The following CACNA1G variants were observed in gnomAD, a reference collection of about 807,000 sequenced individuals.
CACNA1G encodes the protein calcium voltage-gated channel subunit alpha1 G, also known as voltage-dependent T-type calcium channel subunit alpha-1G.
Under a neutral mutation model 219.4 loss-of-function variants are expected in CACNA1G, and 67 were observed. The ratio of observed to expected loss-of-function variants is 0.31; its 90% confidence interval spans 0.25 to 0.37. The LOEUF (loss-of-function observed/expected upper bound fraction) is 0.37. Ranked by LOEUF, CACNA1G falls within the 10% of genes least tolerant of loss-of-function variation. The pLI, the probability that CACNA1G is intolerant of heterozygous loss-of-function variation, is 1.00. For synonymous variants in CACNA1G, 1,296 were observed against 1,345.3 expected (o/e 0.96, Z 0.80); for missense variants, 2,380 against 3,231.4 (o/e 0.74, Z 6.39).
chr17:50,614,435 C>A (rs2049977113), intron 26 of CACNA1G, among the ~76,000 whole-genome samples: 1 of 152,196 alleles, frequency 6.6e-6, no homozygotes, highest in South Asian at 2.1e-4. Context: ...AACTTCCTCC[C>A]AAGAACATGT....
chr17:50,587,746 C>T (rs1203378060), intron 9 of CACNA1G, among the ~76,000 whole-genome samples: 1 of 152,202 alleles, frequency 6.6e-6, no homozygotes, highest in Non-Finnish European at 1.5e-5. Flanking sequence ...CTGGGCAAAA[C>T]AGGGGTTCCA....
Position 50,588,329 on chromosome 17 carries a change from ACCC to A in CACNA1G, c.2302-2140_2302-2138del, listed in dbSNP as rs2043415086. ...TCAGAGGGATGTGGGATTGGGCCCC[ACCC>A]CAGCTCTTCCTGCCCTGTGACTTTG... On this transcript the variant is annotated intron_variant, in intron 9 of 37. Transcript: ENST00000359106. Among the ~76,000 whole-genome samples, 3 of 152,204 alleles carry A rather than the reference ACCC, an allele frequency of 2.0e-5. No individual in the cohort carries two copies. The South Asian group carries it at 6.2e-4, about 32-fold the overall frequency.
At chr17:50,593,827 C>T (rs953849127) in intron 13 of CACNA1G, among the ~76,000 whole-genome samples, 7 of 152,284 alleles carry the variant, frequency 4.6e-5, no homozygotes, top group African/African-American at 7.2e-5. Context: ...ACTGTGGCCC[C>T]GGAGTGCCCA....
intron 19 of CACNA1G, among the ~76,000 whole-genome samples, chr17:50,601,840 G>A (rs1038230745): frequency 1.3e-5 from 2 of 152,124 alleles, no homozygotes; most frequent in East Asian, 1.9e-4. Context: ...TTCCGCTCAC[G>A]GCATCCTGCA....
chr17:50,626,715 C>T lies in CACNA1G; in HGVS notation c.7098C>T (p.Ser2366=), dbSNP rs117525647. The stretch of plus-strand genomic sequence containing the variant: ...CAAAGAAAGATGTGCTGAGTCTCTC[C>T]GGTTTATCCTCTGACCCAGCAGACC... The part of the protein sequence containing the change: ...PSPKKDVLSL[S]GLSSDPADLD... Residue 2366 remains serine, a synonymous_variant, in exon 38 of 38, where the codon TCC becomes TCT. Transcript: ENST00000359106. The surrounding 1 kb of genome is among the most constrained non-coding windows in gnomAD (Gnocchi z 4.3). 9.5e-5 allele frequency: 153 copies of T among 1,613,274 alleles called. 1 individual carries two copies. The East Asian group carries it at 2.3e-3, about 24-fold the overall frequency.
intron 26 of CACNA1G, 136 bp downstream of exon 26, chr17:50,610,071 C>T: frequency 1.3e-6 from 1 of 784,378 alleles, no homozygotes. Context: ...GGCTGAAGCG[C>T]TGGGCTCTGC....
intron 16 of CACNA1G, among the ~76,000 whole-genome samples, chr17:50,597,275 C>T (rs1434215985): frequency 6.6e-6 from 1 of 152,166 alleles, no homozygotes; most frequent in Non-Finnish European, 1.5e-5. Context: ...TAGGTACTGA[C>T]TCTGTGCCAG....
Position 50,578,370 on chromosome 17 carries a change from A to G in CACNA1G, c.2107A>G (p.Ser703Gly). The G allele has an allele frequency of 6.2e-7, 1 of 1,612,608 alleles. No homozygotes were observed. Among genetic ancestry groups the G allele is most frequent in the Non-Finnish European group, 8.5e-7 (1 of 1,179,596 alleles). ...VYEFTQDAQH[S>G]DLRDPHSRRQ... ...TGAGTTCACACAGGATGCCCAGCAC[A>G]GCGACCTCCGGGACCCCCACAGCCG... Residue 703 changes from serine to glycine, a missense_variant, in exon 9 of 38, where the codon AGC (serine) becomes GGC (glycine). By Grantham distance (56) the Ser-to-Gly change is moderately conservative (BLOSUM62 0). This residue lies in a region of CACNA1G where 434 missense variants were observed against 417.3 expected (regional missense o/e 1.04). Transcript: ENST00000359106. The surrounding 1 kb of genome is among the most constrained non-coding windows in gnomAD (Gnocchi z 4.5).
In CACNA1G at chr17:50,596,865, G is replaced by T; in HGVS notation, c.3200G>T (p.Arg1067Leu). The T allele has an allele frequency of 1.3e-6, 2 of 1,594,412 alleles. No individual in the cohort carries two copies. Among genetic ancestry groups the T allele is most frequent in the Non-Finnish European group, 1.7e-6 (2 of 1,170,918 alleles). Residue 1067 changes from arginine to leucine, a missense_variant, in exon 16 of 38, where the codon CGC becomes CTC. Around this residue, in one of 17 missense-constraint regions of CACNA1G, gnomAD observed 418 missense variants for 434.3 expected, o/e 0.96. Transcript: ENST00000359106. This position sits in a 1 kb window ranked among gnomAD's most constrained non-coding sequence, Gnocchi z 4.8. ...GLGEALGPAS[R>L]RTSSSGSAEP... Reference sequence around the variant, plus strand: ...GGCGAGGCGCTGGGCCCTGCGTCGCGCCGCACCAGCAGCAGCGGGTCGGCA... The same window carrying T: ...GGCGAGGCGCTGGGCCCTGCGTCGCTCCGCACCAGCAGCAGCGGGTCGGCA...
chr17:50,624,998 G>A (rs2053345546), intron 37 of CACNA1G, among the ~76,000 whole-genome samples: 1 of 141,750 alleles, frequency 7.1e-6, no homozygotes, highest in African/African-American at 2.7e-5. Flanking sequence ...TGTTGCCCAG[G>A]CTGGAGTGCA....
intron 10 of CACNA1G, 131 bp from the exon 11 acceptor site, chr17:50,591,304 G>C: frequency 1.2e-6 from 1 of 861,568 alleles, no homozygotes; most frequent in Admixed American, 3.1e-5. Context: ...AGGTCTGGGG[G>C]CCCACCTGTG....
At chr17:50,624,675 C>T in intron 37 of CACNA1G, 146 bp downstream of exon 37, 1 of 834,446 alleles carries the variant, frequency 1.2e-6, no homozygotes, top group South Asian at 1.8e-5. Flanking sequence ...ACCAGGGACA[C>T]AGTACTGGGC....
intron 36 of CACNA1G, 48 bp from the exon 37 acceptor site, chr17:50,624,312 A>G: frequency 6.8e-7 from 1 of 1,459,872 alleles, no homozygotes; most frequent in Middle Eastern, 1.9e-4. Flanking sequence ...TGAACCCTCC[A>G]GCTCCATTCT....
At chr17:50,612,979 T>C (rs1256898669) in intron 26 of CACNA1G, among the ~76,000 whole-genome samples, 2 of 152,184 alleles carry the variant, frequency 1.3e-5, no homozygotes, top group East Asian at 3.9e-4. Context: ...CACACCTGGG[T>C]GCTTGCCTGC....
At chr17:50,613,206 T>G (rs2049632553) in intron 26 of CACNA1G, among the ~76,000 whole-genome samples, 1 of 152,200 alleles carries the variant, frequency 6.6e-6, no homozygotes, top group Non-Finnish European at 1.5e-5. Context: ...TTGCCTGGCT[T>G]CATTCTCTCC....
At chr17:50,572,956 C>T (rs1439085960) in intron 6 of CACNA1G, 65 bp from the exon 7 acceptor site, 12 of 1,564,208 alleles carry the variant, frequency 7.7e-6, no homozygotes, top group Admixed American at 1.8e-5. Context: ...GGGTCAAGGC[C>T]TCTGGAGGAG....
At position 50,561,280 on chromosome 17, in the gene CACNA1G, G is replaced by C; in HGVS notation, c.-180G>C. The C allele has an allele frequency of 6.2e-6, 4 of 640,668 alleles. No homozygotes were observed. The highest frequency in any genetic ancestry group is 1.0e-5 in the Non-Finnish European group (4 of 395,326). 39.7% of individuals were successfully genotyped at this position (640,668 alleles called of 1,614,324 possible). On this transcript the variant is annotated 5_prime_UTR_variant, in exon 1 of 38. Coordinates refer to ENST00000359106, the MANE Select transcript of CACNA1G (RefSeq NM_018896.5). ...TTCCCTGCGCCCCGGCGCCCCGCGG[G>C]CAGCATGCCCCTGCGGGCAGGGGGA...
chr17:50,566,946 C>T (rs1450135160), intron 1 of CACNA1G, among the ~76,000 whole-genome samples: 1 of 152,370 alleles, frequency 6.6e-6, no homozygotes, highest in East Asian at 1.9e-4. Context: ...TCTACTGCCT[C>T]CACACAGAGA....
At chr17:50,590,661 TG>T (rs1408226679) in intron 10 of CACNA1G, 39 bp downstream of exon 10, 1 of 584,566 alleles carries the variant, frequency 1.7e-6, no homozygotes, top group Admixed American at 7.0e-5. Context: ...AGTTGAGGAA[TG>T]GTAGCAGGGG....
Sources: allele counts gnomAD v4.1 joint callset (sites outside exome capture counted in the v4.1 genomes callset), GRCh38; gene constraint gnomAD v4.1.1; regional missense constraint gnomAD v4.1.1; non-coding constraint Gnocchi (gnomAD v3.1); transcripts MANE v1.5; gene names NCBI Gene and HGNC (gene_info 2026-07-23, HGNC 2026-07-21).